ATOSA: variants seen among roughly 807,000 people sequenced by gnomAD.
ATOSA encodes the protein atos homolog protein A.
the ATOSA span, among the ~76,000 whole-genome samples, chr15:52,599,248 G>T: frequency 1.3e-5 from 2 of 152,144 alleles, no homozygotes; most frequent in African/African-American, 2.4e-5. Flanking sequence ...GTAGTACAAA[G>T]GTTGCTGAGC....
chr15:52,602,891 C>A, the ATOSA span, among the ~76,000 whole-genome samples: 1 of 152,158 alleles, frequency 6.6e-6, no homozygotes. Flanking sequence ...AATATCCTAG[C>A]GGACCAAAAT....
the ATOSA span, among the ~76,000 whole-genome samples, chr15:52,637,069 G>T: frequency 6.6e-6 from 1 of 152,174 alleles, no homozygotes; most frequent in South Asian, 2.1e-4. Context: ...TTAAGAGGAA[G>T]AATAAATTTG....
At chr15:52,665,249 T>C in the ATOSA span, among the ~76,000 whole-genome samples, 1 of 152,200 alleles carries the variant, frequency 6.6e-6, no homozygotes, top group African/African-American at 2.4e-5. Context: ...GTGTACCCCC[T>C]GAATCTAAAA....
the ATOSA span, chr15:52,586,295 G>T: frequency 6.6e-6 from 1 of 151,984 alleles, no homozygotes; most frequent in Non-Finnish European, 1.5e-5. Flanking sequence ...ACATACTTCT[G>T]TTTCATTCCT....
At chr15:52,650,833 C>T in the ATOSA span, among the ~76,000 whole-genome samples, 1,676 of 152,278 alleles carry the variant, frequency 0.011, 11 homozygotes, top group Admixed American at 0.016. Context: ...TAGCTCAATA[C>T]GGATCCTTCG....
At chr15:52,615,276 C>T in the ATOSA span, among the ~76,000 whole-genome samples, 3 of 152,106 alleles carry the variant, frequency 2.0e-5, no homozygotes, top group Non-Finnish European at 4.4e-5. Flanking sequence ...CTCATGAGTG[C>T]TCTTAGTTTT....
chr15:52,654,307 G>A, the ATOSA span, among the ~76,000 whole-genome samples: 6 of 152,278 alleles, frequency 3.9e-5, no homozygotes, highest in East Asian at 1.2e-3. Context: ...ATTTTATTTA[G>A]TGAAATGCTC....
At chr15:52,657,123 G>A in the ATOSA span, 6 of 152,076 alleles carry the variant, frequency 3.9e-5, no homozygotes, top group Admixed American at 2.0e-4. Context: ...TAAGGTAGCC[G>A]TTGGGTTACC....
chr15:52,645,139 T>C, the ATOSA span, among the ~76,000 whole-genome samples: 1 of 152,162 alleles, frequency 6.6e-6, no homozygotes, highest in African/African-American at 2.4e-5. Flanking sequence ...GCCTAATTCA[T>C]GGTAATGTGA....
chr15:52,639,483 T>C, the ATOSA span, among the ~76,000 whole-genome samples: 273 of 152,332 alleles, frequency 1.8e-3, 1 homozygote, highest in East Asian at 0.025. Context: ...AGTAGTAAAA[T>C]ATATTGTATA....
the ATOSA span, among the ~76,000 whole-genome samples, chr15:52,688,605 A>G: frequency 1.3e-5 from 2 of 152,246 alleles, no homozygotes; most frequent in Non-Finnish European, 2.9e-5. Flanking sequence ...AGTTTCAGAC[A>G]TATTACATTT....
At chr15:52,609,766 T>G in the ATOSA span, 1 of 1,613,812 alleles carries the variant, frequency 6.2e-7, no homozygotes, top group Non-Finnish European at 8.5e-7. Context: ...TGGATCACAA[T>G]GAATCAAATG....
chr15:52,589,101 G>C, the ATOSA span, among the ~76,000 whole-genome samples: 1 of 152,188 alleles, frequency 6.6e-6, no homozygotes, highest in Non-Finnish European at 1.5e-5. Flanking sequence ...CGTGGTTCTT[G>C]ACAAATCAGA....
At chr15:52,585,134 AT>A in the ATOSA span, 1 of 486,158 alleles carries the variant, frequency 2.1e-6, no homozygotes, top group South Asian at 3.2e-5. Flanking sequence ...AAAAGGTTCA[AT>A]TTTTTGTTTT....
At chr15:52,589,350 C>T in the ATOSA span, among the ~76,000 whole-genome samples, 1 of 151,888 alleles carries the variant, frequency 6.6e-6, no homozygotes, top group East Asian at 1.9e-4. Flanking sequence ...GTAAAATATA[C>T]CTAAATAATA....
chr15:52,668,526 A>G, the ATOSA span, among the ~76,000 whole-genome samples: 142 of 152,344 alleles, frequency 9.3e-4, no homozygotes, highest in African/African-American at 3.2e-3. Flanking sequence ...AAAGTATTAT[A>G]TATTATAAAA....
chr15:52,612,738 C>T, the ATOSA span, among the ~76,000 whole-genome samples: 3 of 151,840 alleles, frequency 2.0e-5, no homozygotes, highest in South Asian at 2.1e-4. Flanking sequence ...CTCCTGACCT[C>T]GTGATGCACC....
chr15:52,656,099 C>A, the ATOSA span: 2 of 151,928 alleles, frequency 1.3e-5, no homozygotes, highest in Admixed American at 1.3e-4. Flanking sequence ...TGAGACAACT[C>A]TTGATCAAAG....
chr15:52,661,479 T>G, the ATOSA span, among the ~76,000 whole-genome samples: 1 of 152,234 alleles, frequency 6.6e-6, no homozygotes, highest in African/African-American at 2.4e-5. Context: ...GGGTCTTACA[T>G]TTTCTCAACT....
Sources: allele counts gnomAD v4.1 joint callset (sites outside exome capture counted in the v4.1 genomes callset), GRCh38; gene constraint gnomAD v4.1.1; transcripts MANE v1.5; gene names NCBI Gene and HGNC (gene_info 2026-07-23, HGNC 2026-07-21).